The following ECPAS variants were observed in gnomAD, a reference collection of about 807,000 sequenced individuals.
ECPAS encodes the protein Ecm29 proteasome adaptor and scaffold, also known as proteasome adapter and scaffold protein ECM29.
A neutral mutation model predicts 255.1 loss-of-function variants in ECPAS; 70 were observed. The observed-to-expected ratio is 0.27, with a 90% CI of 0.23 to 0.33. ECPAS has a LOEUF of 0.33. Among genes scored for constraint, ECPAS ranks in the 10% least tolerant of loss-of-function variants. The pLI, the probability that ECPAS is intolerant of heterozygous loss-of-function variation, is 1.00. For missense variants in ECPAS, 1,817 were observed against 2,206.4 expected (o/e 0.82, Z 3.54); for synonymous variants, 784 against 775.0 (o/e 1.01, Z -0.19).
intron 49 of ECPAS, among the ~76,000 whole-genome samples, chr9:111,362,682 T>C (rs945051134): frequency 6.6e-6 from 1 of 152,128 alleles, no homozygotes; most frequent in Non-Finnish European, 1.5e-5. Context: ...AGAAAGTATA[T>C]CAAATCTTAA....
chr9:111,384,706 T>G, intron 33 of ECPAS, 137 bp from the exon 34 acceptor site: 1 of 730,256 alleles, frequency 1.4e-6, no homozygotes, highest in Non-Finnish European at 2.3e-6. Flanking sequence ...GTTAAAAAAA[T>G]TGGTATCTCA....
At chr9:111,365,181 GA>G (rs1205833850) in intron 48 of ECPAS, among the ~76,000 whole-genome samples, 3 of 152,136 alleles carry the variant, frequency 2.0e-5, no homozygotes, top group Non-Finnish European at 4.4e-5. Context: ...TGAGGCAGGA[GA>G]ATCACTTAAA....
At position 111,383,217 on chromosome 9, in the gene ECPAS, G is replaced by A. The variant is rs921753290; in HGVS notation, c.3797C>T (p.Ala1266Val). ...GMMSTVTEVR[A>V]LSINTLVKIS... is the part of the protein sequence containing the mutation. ...TTCATCAACGGATGCACACCTGAGG[G>A]CTCGAACTTCCGTCACGGTGCTCAT... Residue 1266 changes from alanine (A) to valine (V), a missense_variant, in exon 35 of 50, where the codon GCC (alanine) becomes GTC (valine). By Grantham distance (64) the Ala-to-Val change is moderately conservative. Coordinates refer to ENST00000684092, the MANE Select transcript of ECPAS (RefSeq NM_001364929.1). 1.9e-6 allele frequency: 3 copies of A among 1,613,712 alleles called. No homozygotes were observed. Among genetic ancestry groups the A allele is most frequent in the Non-Finnish European group, 1.7e-6 (2 of 1,179,764 alleles).
chr9:111,396,951 G>T (rs1442264511), intron 25 of ECPAS, 79 bp downstream of exon 25: 2 of 1,541,680 alleles, frequency 1.3e-6, no homozygotes, highest in Non-Finnish European at 1.8e-6. Flanking sequence ...AATGTGTAAT[G>T]TTTTTGCCTC....
chr9:111,412,159 T>TA lies in ECPAS; in HGVS notation c.2080-12dup, dbSNP rs146736074. The TA allele has an allele frequency of 0.034, 40,310 of 1,201,898 alleles. 504 individuals carry two copies. Among genetic ancestry groups the TA allele is most frequent in the East Asian group, 0.13 (4,534 of 34,632 alleles). 74.5% of individuals were successfully genotyped at this position (1,201,898 alleles called of 1,614,324 possible). A position where few individuals can be genotyped will look rare whatever the true frequency, so the allele number is the denominator to read the frequency against. On this transcript the variant is annotated splice_polypyrimidine_tract_variant and intron_variant, in intron 20 of 49. Coordinates refer to ENST00000684092, the MANE Select transcript of ECPAS (RefSeq NM_001364929.1). The stretch of plus-strand genomic sequence containing the variant: ...GTTATTCATCAGACTCTGAGCAGTA[T>TA]AAAAAAAAAACAAATATATACATGA...
At chr9:111,426,691 C>T (rs1427839266) in intron 10 of ECPAS, among the ~76,000 whole-genome samples, 1 of 73,238 alleles carries the variant, frequency 1.4e-5, no homozygotes, top group African/African-American at 6.3e-5. Context: ...TCCTGTCTCA[C>T]TTCAAAAAAA....
At chr9:111,381,353 A>G (rs1410422904) in intron 35 of ECPAS, among the ~76,000 whole-genome samples, 1 of 152,214 alleles carries the variant, frequency 6.6e-6, no homozygotes, top group Non-Finnish European at 1.5e-5. Flanking sequence ...CTGACCAATT[A>G]AGTTCACCAT....
chr9:111,444,325 G>A (rs2098249974), intron 4 of ECPAS, 53 bp downstream of exon 4: 4 of 1,248,544 alleles, frequency 3.2e-6, no homozygotes, highest in Non-Finnish European at 4.6e-6. Context: ...TCTAATAAAT[G>A]TTAGGAAAGA....
At chr9:111,402,558 A>G (rs547576170) in intron 24 of ECPAS, among the ~76,000 whole-genome samples, 1 of 152,352 alleles carries the variant, frequency 6.6e-6, no homozygotes, top group South Asian at 2.1e-4. Flanking sequence ...AATACTCCAT[A>G]GAATCTTTAG....
intron 16 of ECPAS, 118 bp downstream of exon 16, chr9:111,419,899 T>G: frequency 1.4e-6 from 1 of 694,720 alleles, no homozygotes. Flanking sequence ...AGCCATACTT[T>G]CTTTAATAAA....
intron 3 of ECPAS, among the ~76,000 whole-genome samples, chr9:111,449,536 G>A (rs530812582): frequency 2.4e-4 from 37 of 151,946 alleles, no homozygotes; most frequent in South Asian, 1.9e-3. Context: ...TGATAGAAGT[G>A]AATGATACAC....
At chr9:111,463,707 T>C (rs1161731085) in intron 2 of ECPAS, among the ~76,000 whole-genome samples, 1 of 152,014 alleles carries the variant, frequency 6.6e-6, no homozygotes, top group Non-Finnish European at 1.5e-5. Flanking sequence ...AAACTTGAGA[T>C]TGACAAAAAT....
intron 38 of ECPAS, 39 bp downstream of exon 38, chr9:111,375,074 A>G (rs1187588406): frequency 7.0e-7 from 1 of 1,431,948 alleles, no homozygotes; most frequent in Non-Finnish European, 9.9e-7. Context: ...GCCAGAACTA[A>G]TGAAGATGCA....
Position 111,412,154 on chromosome 9 carries a change from C to T in ECPAS, c.2080-6G>A, listed in dbSNP as rs756318187. 2 of 1,555,532 alleles carry T rather than the reference C, an allele frequency of 1.3e-6. No individual in the cohort carries two copies. Among genetic ancestry groups the T allele is most frequent in the African/African-American group, 1.4e-5 (1 of 69,664 alleles). ...TTACTGTTATTCATCAGACTCTGAG[C>T]AGTATAAAAAAAAAACAAATATATA... is the stretch of plus-strand genomic sequence containing the variant. On this transcript the variant is annotated splice_polypyrimidine_tract_variant and splice_region_variant and intron_variant, in intron 20 of 49. Coordinates refer to ENST00000684092, the MANE Select transcript of ECPAS (RefSeq NM_001364929.1).
chr9:111,468,370 A>G (rs1423273241), intron 2 of ECPAS, among the ~76,000 whole-genome samples: 5 of 152,198 alleles, frequency 3.3e-5, no homozygotes, highest in South Asian at 2.1e-4. Flanking sequence ...AGACAGTCCA[A>G]TGCTCCTTCT....
Position 111,421,951 on chromosome 9 carries a change from C to T in ECPAS, c.1425G>A (p.Met475Ile), listed in dbSNP as rs1190932100. ...STLEGAQRTL[M>I]EALVASYLIK... ...TTAAGTACGAAGCCACAAGTGCCTC[C>T]ATGAGAGTTCGCTGTGCCCCTTCCA... is the stretch of plus-strand genomic sequence containing the variant. Residue 475 changes from methionine (M) to isoleucine (I), a missense_variant, in exon 15 of 50, where the codon ATG becomes ATA. Around this residue, in one of 4 missense-constraint regions of ECPAS, gnomAD observed 573 missense variants for 716.2 expected, o/e 0.80. Coordinates refer to ENST00000684092, the MANE Select transcript of ECPAS (RefSeq NM_001364929.1). The T allele has an allele frequency of 6.2e-7, 1 of 1,613,544 alleles. No individual in the cohort carries two copies. Among genetic ancestry groups the T allele is most frequent in the East Asian group, 2.2e-5 (1 of 44,872 alleles).
At chr9:111,387,646 C>T (rs1490015134) in intron 31 of ECPAS, among the ~76,000 whole-genome samples, 1 of 151,764 alleles carries the variant, frequency 6.6e-6, no homozygotes, top group Non-Finnish European at 1.5e-5. Context: ...CAGTGTCTCA[C>T]TCATCATCAG....
intron 1 of ECPAS, among the ~76,000 whole-genome samples, chr9:111,482,883 G>A (rs1266958531): frequency 6.6e-6 from 1 of 152,096 alleles, no homozygotes; most frequent in Non-Finnish European, 1.5e-5. Context: ...AGGGACCGCC[G>A]TCCCCGGGAA....
At chr9:111,463,962 A>C (rs1361502406) in intron 2 of ECPAS, among the ~76,000 whole-genome samples, 1 of 152,206 alleles carries the variant, frequency 6.6e-6, no homozygotes, top group Non-Finnish European at 1.5e-5. Flanking sequence ...CAAACTGTTT[A>C]TCACCAGTCA....
Sources: gnomAD v4.1 joint callset for allele counts (sites outside exome capture counted in the v4.1 genomes callset) on GRCh38, gnomAD v4.1.1 for gene constraint, gnomAD v4.1.1 regional missense constraint, MANE v1.5 for transcripts, NCBI Gene and HGNC (gene_info 2026-07-23, HGNC 2026-07-21) for gene names.